AFDN: variants seen among roughly 807,000 people sequenced by gnomAD.
The protein encoded by AFDN is afadin, adherens junction formation factor.
Under a neutral mutation model 216.6 loss-of-function variants are expected in AFDN, and 68 were observed. The ratio of observed to expected loss-of-function variants is 0.31; its 90% CI spans 0.26 to 0.38. The LOEUF (loss-of-function observed/expected upper bound fraction) is 0.38, where lower values mean the gene tolerates loss of function less well. Ranked by LOEUF, AFDN falls within the 10% of genes least tolerant of loss-of-function variation. AFDN has a pLI of 1.00. For missense variants in AFDN, 2,136 were observed against 2,342.0 expected (o/e 0.91, Z 1.82); for synonymous variants, 868 against 853.7 (o/e 1.02, Z -0.29).
chr6:167,886,896 T>A (rs1253362055), intron 6 of AFDN, among the ~76,000 whole-genome samples: 3 of 151,710 alleles, frequency 2.0e-5, no homozygotes, highest in Non-Finnish European at 4.4e-5. Flanking sequence ...GCACCTGTAA[T>A]CCCAGCTACT....
At chr6:167,901,481 T>G (rs1340144737) in intron 11 of AFDN, among the ~76,000 whole-genome samples, 1 of 152,216 alleles carries the variant, frequency 6.6e-6, no homozygotes, top group Admixed American at 6.5e-5. Flanking sequence ...AATTTTGATA[T>G]TTTGAGATAT....
rs919419032 is a variant in AFDN, at chr6:167,906,975, C to T, written c.1651-196C>T. ...AGAATGAAAGTGGCTGTGCGTCTTC[C>T]TATGCTTTAATACCAGTGTGCTTTG... On this transcript the variant is annotated intron_variant, in intron 12 of 33. Coordinates refer to ENST00000683244, the MANE Select transcript of AFDN (RefSeq NM_001386888.1). Among the ~76,000 whole-genome samples the T allele has an allele frequency of 1.0e-4, 16 of 152,384 alleles. 1 individual carries two copies. Among genetic ancestry groups the T allele is most frequent in the South Asian group, 4.1e-4 (2 of 4,832 alleles).
At position 167,963,786 on chromosome 6, in the gene AFDN, A is replaced by G. The variant is rs184981006; in HGVS notation, c.4968+1219A>G. On this transcript the variant is annotated intron_variant, in intron 31 of 33. Coordinates refer to ENST00000683244, the MANE Select transcript of AFDN (RefSeq NM_001386888.1). ...CTTTCACTTGTGTAATGGTAAGTCAACATTGATGATCTTTCTAAGGAAATC... is the reference window on the plus strand; with the variant it reads ...CTTTCACTTGTGTAATGGTAAGTCAGCATTGATGATCTTTCTAAGGAAATC... 957 of 1,062,682 alleles carry G rather than the reference A, an allele frequency of 9.0e-4. 2 individuals carry two copies. The highest frequency in any genetic ancestry group is 1.0e-3 in the Non-Finnish European group (892 of 877,698). The allele number at this position is 1,062,682 out of a possible 1,614,324, so 65.8% of individuals were successfully genotyped here. A position where few individuals can be genotyped will look rare whatever the true frequency, so the allele number is the denominator to read the frequency against.
intron 7 of AFDN, among the ~76,000 whole-genome samples, chr6:167,889,662 T>C (rs1050310362): frequency 5.3e-5 from 8 of 152,230 alleles, no homozygotes; most frequent in Admixed American, 5.2e-4. Context: ...TAGAGCTTTC[T>C]GCCTCCTTCA....
At chr6:167,964,456 T>C in intron 31 of AFDN, 2 of 1,065,536 alleles carry the variant, frequency 1.9e-6, no homozygotes, top group South Asian at 4.5e-5. Context: ...ACACTTACTT[T>C]GTGTAGACAA....
chr6:167,899,939 G>C (rs2128395918), intron 11 of AFDN, among the ~76,000 whole-genome samples: 1 of 152,264 alleles, frequency 6.6e-6, no homozygotes, highest in South Asian at 2.1e-4. Context: ...CTTCGGTTTT[G>C]CTTGTAATGT....
chr6:167,893,202 C>G (rs1787827791), intron 8 of AFDN, among the ~76,000 whole-genome samples: 2 of 152,166 alleles, frequency 1.3e-5, no homozygotes, highest in Admixed American at 1.3e-4. Context: ...CCAGGGTCTT[C>G]CCTGCACCAA....
chr6:167,887,447 T>C (rs539770581), intron 6 of AFDN, among the ~76,000 whole-genome samples: 2 of 151,746 alleles, frequency 1.3e-5, no homozygotes, highest in South Asian at 4.2e-4. Context: ...GCTTGCCTTT[T>C]TTTTTTTTTT....
chr6:167,886,772 C>T (rs540088857), intron 6 of AFDN, among the ~76,000 whole-genome samples: 28 of 152,106 alleles, frequency 1.8e-4, no homozygotes, highest in African/African-American at 4.8e-4. Flanking sequence ...ACTGAACAGA[C>T]GCCTGATGCT....
At chr6:167,926,691 C>T (rs1037728395) in intron 23 of AFDN, among the ~76,000 whole-genome samples, 6 of 152,214 alleles carry the variant, frequency 3.9e-5, no homozygotes, top group Non-Finnish European at 7.3e-5. Context: ...CCACTTCGGC[C>T]TCCCAAAGTG....
chr6:167,893,572 CTG>C (rs2128354805), intron 8 of AFDN: 1 of 351,842 alleles, frequency 2.8e-6, no homozygotes, highest in Non-Finnish European at 5.3e-6. Flanking sequence ...TGGTAGCCCT[CTG>C]TATGATTAAC....
chr6:167,960,826 C>T (rs1274928682), intron 30 of AFDN, among the ~76,000 whole-genome samples: 2 of 152,148 alleles, frequency 1.3e-5, no homozygotes, highest in Admixed American at 6.5e-5. Flanking sequence ...GGCATCTACT[C>T]CTGCTATAAG....
At chr6:167,964,059 G>C (rs533270249) in intron 31 of AFDN, 19 of 1,064,204 alleles carry the variant, frequency 1.8e-5, no homozygotes, top group Non-Finnish European at 2.0e-5. Context: ...AGAGGACCAG[G>C]CCATGTTTTT....
chr6:167,918,482 C>G (rs1432955434), intron 20 of AFDN, among the ~76,000 whole-genome samples: 2 of 152,180 alleles, frequency 1.3e-5, no homozygotes, highest in African/African-American at 4.8e-5. Flanking sequence ...CTACACGTTA[C>G]TTAAAATTAG....
intron 23 of AFDN, among the ~76,000 whole-genome samples, chr6:167,925,781 C>T (rs1378690659): frequency 2.0e-5 from 3 of 152,140 alleles, no homozygotes; most frequent in African/African-American, 7.2e-5. Context: ...GAGCCTCTTC[C>T]AATATGGAAT....
rs1331179721 is a variant in AFDN, at chr6:167,911,093, T to C, written c.1770-8T>C. 1 of 1,610,014 alleles carries C rather than the reference T, an allele frequency of 6.2e-7. No individual in the cohort carries two copies. Among genetic ancestry groups the C allele is most frequent in the African/African-American group, 1.3e-5 (1 of 74,658 alleles). ...TTATTTTAAGTGATGTCAGCTTTCT[T>C]CTTTTAGAACACAGGATGCTTCTGG... On this transcript the variant is annotated splice_polypyrimidine_tract_variant and splice_region_variant and intron_variant, in intron 13 of 33. Transcript: ENST00000683244.
At chr6:167,921,239 TAGTG>T (rs1791756241) in intron 21 of AFDN, among the ~76,000 whole-genome samples, 1 of 152,254 alleles carries the variant, frequency 6.6e-6, no homozygotes, top group Non-Finnish European at 1.5e-5. Context: ...AAGTTGGAAA[TAGTG>T]AGCTCTTGAC....
chr6:167,864,974 T>C, intron 2 of AFDN: 1 of 685,016 alleles, frequency 1.5e-6, no homozygotes, highest in Admixed American at 2.0e-5. Flanking sequence ...AATATATTAA[T>C]TTTGCATATG....
chr6:167,929,942 C>A (rs1161789041), intron 23 of AFDN, among the ~76,000 whole-genome samples: 1 of 152,196 alleles, frequency 6.6e-6, no homozygotes, highest in African/African-American at 2.4e-5. Flanking sequence ...TGGCTCATGC[C>A]TATAATCCCA....
Sources: allele counts gnomAD v4.1 joint callset (sites outside exome capture counted in the v4.1 genomes callset), GRCh38; gene constraint gnomAD v4.1.1; transcripts MANE v1.5; gene names NCBI Gene and HGNC (gene_info 2026-07-23, HGNC 2026-07-21).